The following NFE2 variants were observed in gnomAD, a reference collection of about 807,000 sequenced individuals.
The protein encoded by NFE2 is transcription factor NF-E2 45 kDa subunit.
NFE2 carries 13 observed loss-of-function variants against 25.8 expected under a neutral mutation model. The observed-to-expected ratio is 0.50, with a 90% confidence interval of 0.33 to 0.80. The LOEUF is 0.80. NFE2 is among the 30% of genes least tolerant of loss of function. The pLI, the probability that NFE2 is intolerant of heterozygous loss-of-function variation, is 0.02. For missense variants in NFE2, 382 were observed against 478.9 expected, an observed-to-expected ratio of 0.80 and a Z score of 1.89; for synonymous variants, 204 against 200.2, an observed-to-expected ratio of 1.02 and a Z score of -0.16.
rs1220289942 is a variant in NFE2 at position 54,293,069 on chromosome 12, C to T, written c.427G>A (p.Glu143Lys). 1 of 1,523,262 alleles carries T rather than the reference C, an allele frequency of 6.6e-7. No individual in the cohort carries two copies. Among genetic ancestry groups the T allele is most frequent in the Non-Finnish European group, 8.8e-7 (1 of 1,137,076 alleles). The allele number at this position is 1,523,262 out of a possible 1,614,324, so 94.4% of individuals were successfully genotyped here. A position where few individuals can be genotyped will look rare whatever the true frequency, so the allele number is the denominator to read the frequency against. Residue 143 changes from glutamate to lysine, a missense_variant, in exon 3 of 3, where the codon GAA becomes AAA. Coordinates refer to ENST00000435572, the MANE Select transcript of NFE2 (RefSeq NM_001136023.3). ...AGPPKPQEDPESDSGLSLNYS... is the reference protein window; with the variant it reads ...AGPPKPQEDPKSDSGLSLNYS... ...TTGAGGGATAATCCTGAGTCGGATT[C>T]TGGGTCTTCTTGGGGCTTAGGTGGC...
Position 54,292,270 on chromosome 12 carries a change from T to G in NFE2, c.*104A>C. On this transcript the variant is annotated 3_prime_UTR_variant, in exon 3 of 3. Transcript: ENST00000435572. ...ACTTGTTGCCATTGTCATCCTCTTC[T>G]GGTCTAGAGAACTCAGCTCCTTCTG... is the stretch of plus-strand genomic sequence containing the variant. 1 of 1,200,898 alleles carries G rather than the reference T, an allele frequency of 8.3e-7. No individual in the cohort carries two copies. Among genetic ancestry groups the G allele is most frequent in the Non-Finnish European group, 1.2e-6 (1 of 854,110 alleles). 74.4% of individuals were successfully genotyped at this position (1,200,898 alleles called of 1,614,324 possible). A position where few individuals can be genotyped will look rare whatever the true frequency, so the allele number is the denominator to read the frequency against.
rs190536574 is a variant in NFE2, at chr12:54,299,821, A to T, written c.-57+980T>A. Among the ~76,000 whole-genome samples, 157 of 152,214 alleles carry T rather than the reference A, an allele frequency of 1.0e-3. 1 individual carries two copies. Among genetic ancestry groups the T allele is most frequent in the African/African-American group, 3.6e-3 (151 of 41,520 alleles). On this transcript the variant is annotated intron_variant, in intron 1 of 2. Transcript: ENST00000435572. ...GACCACCTCACCTCTCCAGGTGTCAATAGGTGCAGTGAAAGGATGAGGAGG... is the reference window on the plus strand; with the variant it reads ...GACCACCTCACCTCTCCAGGTGTCATTAGGTGCAGTGAAAGGATGAGGAGG...
Position 54,293,222 on chromosome 12 carries a change from C to T in NFE2, c.274G>A (p.Val92Ile). The T allele has an allele frequency of 6.2e-7, 1 of 1,606,416 alleles. No individual in the cohort carries two copies. Among genetic ancestry groups the T allele is most frequent in the Non-Finnish European group, 8.5e-7 (1 of 1,176,168 alleles). The change falls in exon 3 of 3, where the codon GTC (valine) becomes ATC (isoleucine). Residue 92 changes from valine (V) to isoleucine (I), a missense_variant. By Grantham distance (29) the Val-to-Ile change is conservative. Transcript: ENST00000435572. ...PYELPASTSHVPDPPYSYGNM... is the reference protein window; with the variant it reads ...PYELPASTSHIPDPPYSYGNM... ...CCATAGGAGTATGGGGGATCTGGGA[C>T]ATGGGATGTGGATGCTGGGAGCTCA...
At chr12:54,294,488 A>G (rs1944350948) in intron 2 of NFE2, among the ~76,000 whole-genome samples, 1 of 152,080 alleles carries the variant, frequency 6.6e-6, no homozygotes, top group African/African-American at 2.4e-5. Context: ...CTGGGGGCTA[A>G]GAAGCACCTT....
At position 54,292,869 on chromosome 12, in the gene NFE2, T is replaced by C. The variant is rs750847667; in HGVS notation, c.627A>G (p.Ser209=). Residue 209 remains serine (S), a synonymous_variant, in exon 3 of 3, where the codon TCA becomes TCG. Coordinates refer to ENST00000435572, the MANE Select transcript of NFE2 (RefSeq NM_001136023.3). ...AETPLALEPS[S]GPVRAKPTAR... is the part of the protein sequence containing the mutation. ...CAGTGGGCTTAGCCCGCACAGGGCC[T>C]GAGGAGGGCTCTAAGGCCAAGGGGG... 3.7e-6 allele frequency: 6 copies of C among 1,613,762 alleles called. No individual in the cohort carries two copies. The highest frequency in any genetic ancestry group is 5.1e-6 in the Non-Finnish European group (6 of 1,179,792).
intron 1 of NFE2, 196 bp from the exon 2 acceptor site, chr12:54,295,500 C>T (rs1428583463): frequency 2.4e-6 from 1 of 411,696 alleles, no homozygotes; most frequent in East Asian, 4.9e-5. Context: ...ACCTCGCCAA[C>T]TATGGCCACA....
At chr12:54,300,039 A>G (rs982470324) in intron 1 of NFE2, 2 of 152,214 alleles carry the variant, frequency 1.3e-5, no homozygotes, top group Non-Finnish European at 2.9e-5. Context: ...GTGAGAACAA[A>G]GAAGAGGGGG....
chr12:54,293,463 C>G lies in NFE2; in HGVS notation c.115-82G>C. The G allele has an allele frequency of 6.6e-6, 9 of 1,366,794 alleles. 1 individual carries two copies. In the Middle Eastern group the frequency reaches 7.9e-4, roughly 120 times the overall value. 84.7% of individuals were successfully genotyped at this position (1,366,794 alleles called of 1,614,324 possible). A position where few individuals can be genotyped will look rare whatever the true frequency, so the allele number is the denominator to read the frequency against. On this transcript the variant is annotated intron_variant, in intron 2 of 2. Transcript: ENST00000435572. ...TCTCTCAGGAACAAGCTGGATTCTT[C>G]TGAAAGTCGCAGTGAGGTAGTAACA...
chr12:54,298,490 A>G (rs1179579384), intron 1 of NFE2, among the ~76,000 whole-genome samples: 1 of 144,788 alleles, frequency 6.9e-6, no homozygotes, highest in African/African-American at 2.6e-5. Context: ...CTGGGCAACA[A>G]GAGTGAAACT....
chr12:54,297,356 C>CAA (rs35611028), intron 1 of NFE2, among the ~76,000 whole-genome samples: 127 of 49,862 alleles, frequency 2.5e-3, no homozygotes, highest in African/African-American at 3.5e-3. Context: ...GACCCTGTCT[C>CAA]AAAAAAAAAA....
chr12:54,292,878 C>G lies in NFE2; in HGVS notation c.618G>C (p.Glu206Asp). ...LPAAETPLALEPSSGPVRAKP... is the reference protein window; with the variant it reads ...LPAAETPLALDPSSGPVRAKP... Reference sequence around the variant, plus strand: ...TAGCCCGCACAGGGCCTGAGGAGGGCTCTAAGGCCAAGGGGGTCTCAGCAG... The same window carrying G: ...TAGCCCGCACAGGGCCTGAGGAGGGGTCTAAGGCCAAGGGGGTCTCAGCAG... The change falls in exon 3 of 3, where the codon GAG becomes GAC. Residue 206 changes from glutamate to aspartate, a missense_variant. Transcript: ENST00000435572. 3 of 1,613,272 alleles carry G rather than the reference C, an allele frequency of 1.9e-6. No homozygotes were observed. The highest frequency in any genetic ancestry group is 1.7e-6 in the Non-Finnish European group (2 of 1,179,366).
intron 1 of NFE2, among the ~76,000 whole-genome samples, chr12:54,300,427 A>G (rs901601127): frequency 6.6e-6 from 1 of 152,158 alleles, no homozygotes; most frequent in African/African-American, 2.4e-5. Context: ...CTGCCTAGAC[A>G]GGGCAGAGTA....
At chr12:54,294,081 G>A (rs1944345786) in intron 2 of NFE2, among the ~76,000 whole-genome samples, 2 of 151,846 alleles carry the variant, frequency 1.3e-5, no homozygotes, top group South Asian at 2.1e-4. Context: ...TGGCTAACAC[G>A]GTGAAACCCC....
intron 1 of NFE2, 130 bp from the exon 2 acceptor site, chr12:54,295,434 A>C: frequency 7.1e-6 from 4 of 559,710 alleles, no homozygotes; most frequent in Admixed American, 3.1e-5. Context: ...ATCCTCACTC[A>C]TGCTGGATTC....
intron 1 of NFE2, among the ~76,000 whole-genome samples, chr12:54,297,565 T>G (rs1944384348): frequency 7.0e-6 from 1 of 143,134 alleles, no homozygotes; most frequent in African/African-American, 2.7e-5. Flanking sequence ...CTCAGGAGGC[T>G]GAGGCAGGGA....
Position 54,292,558 on chromosome 12 carries a change from C to G in NFE2, c.938G>C (p.Gly313Ala). 6.2e-7 allele frequency: 1 copy of G among 1,614,170 alleles called. No homozygotes were observed. The highest frequency in any genetic ancestry group is 8.5e-7 in the Non-Finnish European group (1 of 1,180,038). The change falls in exon 3 of 3, where the codon GGG becomes GCG. Residue 313 changes from glycine to alanine, a missense_variant. Physicochemically the swap from Gly to Ala is moderately conservative, Grantham distance 60. Transcript: ENST00000435572. ...NERERLLRAR[G>A]EADRTLEVMR... ...GACCTCCAGGGTCCGGTCTGCCTCC[C>G]CGCGGGCCCTGAGAAGCCGCTCCCG... is the stretch of plus-strand genomic sequence containing the variant.
At chr12:54,295,842 G>T in intron 1 of NFE2, 1 of 154,396 alleles carries the variant, frequency 6.5e-6, no homozygotes, top group Non-Finnish European at 1.4e-5. Context: ...CAGGCCTGGT[G>T]GTTGATAGCA....
At position 54,292,256 on chromosome 12, in the gene NFE2, T is replaced by C; in HGVS notation, c.*118A>G. The C allele has an allele frequency of 1.9e-6, 2 of 1,071,236 alleles. 1 individual carries two copies. The highest frequency in any genetic ancestry group is 3.2e-5 in the South Asian group (2 of 63,160). 66.4% of individuals were successfully genotyped at this position (1,071,236 alleles called of 1,614,324 possible). On this transcript the variant is annotated 3_prime_UTR_variant, in exon 3 of 3. Transcript: ENST00000435572. Reference sequence around the variant, plus strand: ...TGGAACTTCCAAACACTTGTTGCCATTGTCATCCTCTTCTGGTCTAGAGAA... The same window carrying C: ...TGGAACTTCCAAACACTTGTTGCCACTGTCATCCTCTTCTGGTCTAGAGAA...
At chr12:54,296,603 A>C (rs1944374908) in intron 1 of NFE2, among the ~76,000 whole-genome samples, 1 of 151,950 alleles carries the variant, frequency 6.6e-6, no homozygotes, top group Non-Finnish European at 1.5e-5. Flanking sequence ...GTCTACATTC[A>C]TCAGTTCTTT....
Sources: allele counts gnomAD v4.1 joint callset (sites outside exome capture counted in the v4.1 genomes callset), GRCh38; gene constraint gnomAD v4.1.1; transcripts MANE v1.5; gene names NCBI Gene and HGNC (gene_info 2026-07-23, HGNC 2026-07-21).